Variants in BRINP3 observed in about 807,000 individuals in gnomAD.
The protein encoded by BRINP3 is BMP/retinoic acid inducible neural specific 3.
In BRINP3, 19 loss-of-function variants were observed where a neutral mutation model predicts 71.0. The observed-to-expected ratio is 0.27, with a 90% CI of 0.19 to 0.39. The LOEUF (loss-of-function observed/expected upper bound fraction) is 0.39, where lower values mean the gene tolerates loss of function less well. Ranked by LOEUF, BRINP3 falls within the 10% of genes least tolerant of loss-of-function variation. The probability of loss-of-function intolerance (pLI) is 1.00; values close to 1 mark genes in which losing one functional copy is unlikely to be tolerated. For synonymous variants in BRINP3, 380 were observed against 337.7 expected, an observed-to-expected ratio of 1.13 and a Z score of -1.37; for missense variants, 959 against 940.8, an observed-to-expected ratio of 1.02 and a Z score of -0.25.
chr1:190,246,101 T>C (rs1659584495), intron 4 of BRINP3, among the ~76,000 whole-genome samples: 1 of 152,232 alleles, frequency 6.6e-6, no homozygotes, highest in East Asian at 1.9e-4. Flanking sequence ...TGTTTTATCC[T>C]TGGGTATATA....
chr1:190,255,946 C>T (rs373006171), intron 4 of BRINP3, among the ~76,000 whole-genome samples: 3 of 152,068 alleles, frequency 2.0e-5, no homozygotes, highest in East Asian at 3.9e-4. Context: ...TAAATATGTC[C>T]GAGAGATTCT....
At position 190,406,165 on chromosome 1, in the gene BRINP3, G is replaced by A. The variant is rs147707119; in HGVS notation, c.236+48490C>T. Among the ~76,000 whole-genome samples, 993 of 152,306 alleles carry A rather than the reference G, an allele frequency of 6.5e-3. 15 individuals are homozygous for A. The highest frequency in any genetic ancestry group is 0.022 in the African/African-American group (926 of 41,558). On this transcript the variant is annotated intron_variant, in intron 2 of 7. Transcript: ENST00000367462. ...TGTTACATTATGTACAGTTACAGCA[G>A]TGTAAATGTAGTGATTGTTACAGGA...
intron 3 of BRINP3, among the ~76,000 whole-genome samples, chr1:190,273,683 T>C (rs1358855922): frequency 6.6e-6 from 1 of 151,584 alleles, no homozygotes; most frequent in African/African-American, 2.4e-5. Flanking sequence ...TTCTGATCTT[T>C]AAATCATCTA....
intron 2 of BRINP3, among the ~76,000 whole-genome samples, chr1:190,371,240 G>C (rs1238955488): frequency 6.6e-6 from 1 of 152,146 alleles, no homozygotes; most frequent in East Asian, 1.9e-4. Context: ...TTTCCAAAAA[G>C]TAATTGCCCA....
chr1:190,141,088 T>G (rs1655393542), intron 7 of BRINP3, among the ~76,000 whole-genome samples: 1 of 152,206 alleles, frequency 6.6e-6, no homozygotes, highest in Non-Finnish European at 1.5e-5. Flanking sequence ...GGCTTTAGCA[T>G]TTTAATGCCA....
chr1:190,224,482 A>C, intron 6 of BRINP3, among the ~76,000 whole-genome samples: 1 of 151,936 alleles, frequency 6.6e-6, no homozygotes, highest in Non-Finnish European at 1.5e-5. Context: ...AAAATCAAAT[A>C]AAAATAAATT....
chr1:190,326,150 C>A (rs901619702), intron 2 of BRINP3, among the ~76,000 whole-genome samples: 1 of 152,028 alleles, frequency 6.6e-6, no homozygotes, highest in Non-Finnish European at 1.5e-5. Flanking sequence ...CAATTCAAAG[C>A]TTTATCAATA....
At chr1:190,423,990 A>T (rs1673542698) in intron 2 of BRINP3, among the ~76,000 whole-genome samples, 1 of 151,752 alleles carries the variant, frequency 6.6e-6, no homozygotes, top group East Asian at 1.9e-4. Flanking sequence ...ATATTACATT[A>T]CATTTCACTT....
At chr1:190,303,253 A>T (rs149977435) in intron 2 of BRINP3, among the ~76,000 whole-genome samples, 202 of 151,980 alleles carry the variant, frequency 1.3e-3, no homozygotes, top group Admixed American at 2.0e-3. Flanking sequence ...GTAAACATAA[A>T]TTAAATGATA....
chr1:190,148,122 C>T (rs1312275878), intron 7 of BRINP3, among the ~76,000 whole-genome samples: 8 of 152,064 alleles, frequency 5.3e-5, no homozygotes, highest in African/African-American at 1.4e-4. Flanking sequence ...TTACATAATA[C>T]AATTCTATTT....
At chr1:190,116,117 C>G (rs1653115924) in intron 7 of BRINP3, among the ~76,000 whole-genome samples, 1 of 152,042 alleles carries the variant, frequency 6.6e-6, no homozygotes, top group African/African-American at 2.4e-5. Context: ...ACAATACTGT[C>G]TATACTTGAT....
intron 4 of BRINP3, among the ~76,000 whole-genome samples, chr1:190,238,360 A>G (rs1410060043): frequency 1.3e-5 from 2 of 152,008 alleles, no homozygotes; most frequent in East Asian, 3.9e-4. Context: ...TTTATTCACT[A>G]CATACTCTGT....
intron 2 of BRINP3, among the ~76,000 whole-genome samples, chr1:190,293,229 T>C (rs566964488): frequency 1.3e-5 from 2 of 152,258 alleles, no homozygotes; most frequent in South Asian, 2.1e-4. Context: ...TTCCTTTTTA[T>C]GCATTTTAAG....
At chr1:190,471,798 G>T (rs927466040) in intron 1 of BRINP3, among the ~76,000 whole-genome samples, 1 of 151,294 alleles carries the variant, frequency 6.6e-6, no homozygotes, top group African/African-American at 2.4e-5. Context: ...CCAATCAAAA[G>T]CAACTATTTT....
chr1:190,321,538 G>A (rs951449506), intron 2 of BRINP3, among the ~76,000 whole-genome samples: 1 of 151,992 alleles, frequency 6.6e-6, no homozygotes, highest in Non-Finnish European at 1.5e-5. Context: ...TGTAATAAAT[G>A]TTTTATTAAG....
Position 190,264,859 on chromosome 1 carries a change from T to C in BRINP3, c.618+6A>G, listed in dbSNP as rs757471369. The C allele has an allele frequency of 4.3e-6, 7 of 1,611,708 alleles. No individual in the cohort carries two copies. In the South Asian group the frequency reaches 6.6e-5, roughly 15 times the overall value. ...GGTGATAATTTTAGCGTAAACTCATTCTTACCTTTATGGCAGTGGATGCAA... is the reference window on the plus strand; with the variant it reads ...GGTGATAATTTTAGCGTAAACTCATCCTTACCTTTATGGCAGTGGATGCAA... On this transcript the variant is annotated splice_donor_region_variant and intron_variant, in intron 4 of 7. Coordinates refer to ENST00000367462, the MANE Select transcript of BRINP3 (RefSeq NM_199051.3).
intron 2 of BRINP3, among the ~76,000 whole-genome samples, chr1:190,356,577 T>C (rs556734297): frequency 6.6e-6 from 1 of 152,088 alleles, no homozygotes; most frequent in South Asian, 2.1e-4. Context: ...CCCTCTCTTA[T>C]CTCTGTTTCT....
rs3079091 is a variant in BRINP3 at position 190,435,408 on chromosome 1, AT to A, written c.236+19246del. 4.0e-3 allele frequency among the ~76,000 whole-genome samples: 589 copies of A among 148,322 alleles called. 6 individuals carry two copies. The highest frequency in any genetic ancestry group is 0.033 in the East Asian group (165 of 5,070). On this transcript the variant is annotated intron_variant, in intron 2 of 7. Coordinates refer to ENST00000367462, the MANE Select transcript of BRINP3 (RefSeq NM_199051.3). ...AACTGTGTCAGGATTTCCAGAACTCATTTTTTTTTTTGAGGCAGAGAGAGCT... is the reference window on the plus strand; with the variant it reads ...AACTGTGTCAGGATTTCCAGAACTCATTTTTTTTTTGAGGCAGAGAGAGCT...
chr1:190,198,723 T>G lies in BRINP3; in HGVS notation c.961+27359A>C, dbSNP rs780958572. Among the ~76,000 whole-genome samples the G allele has an allele frequency of 6.1e-4, 93 of 151,892 alleles. 2 individuals are homozygous for G. Among genetic ancestry groups the G allele is most frequent in the Non-Finnish European group, 1.5e-4 (10 of 67,906 alleles). On this transcript the variant is annotated intron_variant, in intron 6 of 7. Transcript: ENST00000367462. ...TCATCTCCATCTGAGACCACCTCAG[T>G]CTCGATATTATTGTTCATATCACTA...
Sources: allele counts gnomAD v4.1 joint callset (sites outside exome capture counted in the v4.1 genomes callset), GRCh38; gene constraint gnomAD v4.1.1; transcripts MANE v1.5; gene names NCBI Gene and HGNC (gene_info 2026-07-23, HGNC 2026-07-21).